The following IL1RAPL2 variants were observed in gnomAD, a reference collection of about 807,000 sequenced individuals.
The protein encoded by IL1RAPL2 is interleukin 1 receptor accessory protein like 2, also known as X-linked interleukin-1 receptor accessory protein-like 2.
Under a neutral mutation model 44.1 loss-of-function variants are expected in IL1RAPL2, and 3 were observed. That is an observed-to-expected ratio of 0.07 (90% CI 0.03 to 0.18). The LOEUF is 0.18. Ranked by LOEUF, IL1RAPL2 falls within the 10% of genes least tolerant of loss-of-function variation. The pLI is 1.00. For synonymous variants in IL1RAPL2, 181 were observed against 178.8 expected (o/e 1.01, Z -0.10); for missense variants, 391 against 496.4 (o/e 0.79, Z 2.02).
At position 105,708,343 on chromosome X, in the gene IL1RAPL2, A is replaced by G. The variant is rs182518765; in HGVS notation, c.773-9024A>G. On this transcript the variant is annotated intron_variant, in intron 6 of 10. Transcript: ENST00000372582. The stretch of plus-strand genomic sequence containing the variant: ...CCACAGCTGTGTTTTAAATCTCACT[A>G]TAATGTCCAGAAAACACATCAGTAT... 2.1e-3 allele frequency among the ~76,000 whole-genome samples: 240 copies of G among 111,866 alleles called. 3 individuals are homozygous for G. The highest frequency in any genetic ancestry group is 7.6e-3 in the African/African-American group (234 of 30,797).
chrX:105,175,164 T>C (rs1342620178), intron 2 of IL1RAPL2, among the ~76,000 whole-genome samples: 1 of 111,608 alleles, frequency 9.0e-6, no homozygotes, highest in Non-Finnish European at 1.9e-5. Context: ...TCATCATTAC[T>C]ATCATTATTA....
intron 2 of IL1RAPL2, among the ~76,000 whole-genome samples, chrX:105,103,237 G>T (rs771853303): frequency 9.0e-6 from 1 of 111,516 alleles, no homozygotes; most frequent in Non-Finnish European, 1.9e-5. Flanking sequence ...CACATTTGGT[G>T]TTAAGTGAGC....
chrX:105,252,816 G>GAGAT (rs1394594213), intron 4 of IL1RAPL2, among the ~76,000 whole-genome samples: 1 of 111,772 alleles, frequency 8.9e-6, no homozygotes, highest in African/African-American at 3.2e-5. Flanking sequence ...GAAGCCTTAT[G>GAGAT]AGATAGGCTA....
In IL1RAPL2 at chrX:104,889,443, C is replaced by A. The variant is rs185528926; in HGVS notation, c.82+230448C>A. 3.7e-3 allele frequency among the ~76,000 whole-genome samples: 409 copies of A among 111,843 alleles called. 2 individuals carry two copies. Among genetic ancestry groups the A allele is most frequent in the Non-Finnish European group, 5.5e-3 (294 of 53,147 alleles). Reference sequence around the variant, plus strand: ...AAATGAAAACAACAAACTCACACACCTTTTTAACATACACAAACAGTTCTG... The same window carrying A: ...AAATGAAAACAACAAACTCACACACATTTTTAACATACACAAACAGTTCTG... On this transcript the variant is annotated intron_variant, in intron 2 of 10. Coordinates refer to ENST00000372582, the MANE Select transcript of IL1RAPL2 (RefSeq NM_017416.2).
At chrX:104,677,678 G>A (rs952448513) in intron 2 of IL1RAPL2, among the ~76,000 whole-genome samples, 1 of 112,415 alleles carries the variant, frequency 8.9e-6, no homozygotes, top group Non-Finnish European at 1.9e-5. Context: ...AGGCAATGGC[G>A]GGCGCCCCTC....
intron 2 of IL1RAPL2, among the ~76,000 whole-genome samples, chrX:104,854,743 G>A (rs1445303234): frequency 9.0e-6 from 1 of 111,031 alleles, no homozygotes; most frequent in Non-Finnish European, 1.9e-5. Context: ...ATGAGAACAT[G>A]TGTAAAGCAA....
At chrX:105,674,585 A>C (rs2037852389) in intron 6 of IL1RAPL2, among the ~76,000 whole-genome samples, 2 of 111,728 alleles carry the variant, frequency 1.8e-5, no homozygotes, top group South Asian at 7.5e-4. Context: ...GTATAGTTTA[A>C]AGTCTGGTAG....
intron 2 of IL1RAPL2, among the ~76,000 whole-genome samples, chrX:104,692,597 C>T (rs755660587): frequency 9.2e-6 from 1 of 109,028 alleles, no homozygotes; most frequent in African/African-American, 3.3e-5. Context: ...TGAGAATATG[C>T]GGGTTTCTGT....
At chrX:105,235,235 C>T (rs2034110143) in intron 4 of IL1RAPL2, among the ~76,000 whole-genome samples, 1 of 111,493 alleles carries the variant, frequency 9.0e-6, no homozygotes, top group Non-Finnish European at 1.9e-5. Flanking sequence ...AGATAATAAC[C>T]ACACAACCTT....
chrX:104,892,856 G>C (rs770385145), intron 2 of IL1RAPL2, among the ~76,000 whole-genome samples: 1 of 111,502 alleles, frequency 9.0e-6, no homozygotes, highest in African/African-American at 3.3e-5. Flanking sequence ...GTTTGCTCTT[G>C]CTTCTCTAGT....
chrX:104,657,906 A>G (rs2148023072), intron 1 of IL1RAPL2, among the ~76,000 whole-genome samples: 1 of 112,354 alleles, frequency 8.9e-6, no homozygotes, highest in Non-Finnish European at 1.9e-5. Flanking sequence ...GCAAATCAAA[A>G]CCACAATGAG....
At chrX:105,493,806 G>C (rs1454403357) in intron 6 of IL1RAPL2, among the ~76,000 whole-genome samples, 1 of 111,480 alleles carries the variant, frequency 9.0e-6, no homozygotes, top group Non-Finnish European at 1.9e-5. Flanking sequence ...AAGTTAAAGG[G>C]GTGTCTAGTG....
intron 2 of IL1RAPL2, among the ~76,000 whole-genome samples, chrX:104,922,118 C>T (rs372159989): frequency 5.3e-5 from 6 of 112,209 alleles, no homozygotes; most frequent in African/African-American, 1.9e-4. Context: ...CAGTTTTGCC[C>T]CCTCCAGCCA....
At chrX:104,930,700 A>G (rs1924876279) in intron 2 of IL1RAPL2, among the ~76,000 whole-genome samples, 1 of 111,778 alleles carries the variant, frequency 8.9e-6, no homozygotes, top group African/African-American at 3.3e-5. Flanking sequence ...CTGTCTTCTT[A>G]TAATGATAGA....
At chrX:104,616,944 G>T (rs1929292149) in intron 1 of IL1RAPL2, among the ~76,000 whole-genome samples, 1 of 111,960 alleles carries the variant, frequency 8.9e-6, no homozygotes, top group Non-Finnish European at 1.9e-5. Flanking sequence ...TGAACCCATT[G>T]GGTGGATATA....
At chrX:105,444,647 T>G (rs1041544811) in intron 5 of IL1RAPL2, among the ~76,000 whole-genome samples, 1 of 111,306 alleles carries the variant, frequency 9.0e-6, no homozygotes, top group African/African-American at 3.3e-5. Context: ...TTATATGTAT[T>G]TATTTTTTAA....
chrX:104,983,588 A>T (rs936132355), intron 2 of IL1RAPL2, among the ~76,000 whole-genome samples: 20 of 72,985 alleles, frequency 2.7e-4, no homozygotes, highest in African/African-American at 9.0e-4. Flanking sequence ...CATAATATAT[A>T]ATATATTATA....
chrX:105,371,990 C>T (rs2035344549), intron 5 of IL1RAPL2, among the ~76,000 whole-genome samples: 1 of 111,534 alleles, frequency 9.0e-6, no homozygotes, highest in African/African-American at 3.3e-5. Flanking sequence ...CTTGAAGCTT[C>T]ACATAAATTC....
In IL1RAPL2 at chrX:104,713,766, CAT is replaced by C. The variant is rs1251215351; in HGVS notation, c.82+54775_82+54776del. 4.5e-5 allele frequency among the ~76,000 whole-genome samples: 5 copies of C among 110,601 alleles called. No individual in the cohort carries two copies. The East Asian group carries it at 1.4e-3, about 32-fold the overall frequency. Reference sequence around the variant, plus strand: ...GGTTGCTTTCCAGGGAACCCGTTTCCATATAGTGACTCAGGGGCTTAGACTGC... The same window carrying C: ...GGTTGCTTTCCAGGGAACCCGTTTCCATAGTGACTCAGGGGCTTAGACTGC... On this transcript the variant is annotated intron_variant, in intron 2 of 10. Transcript: ENST00000372582.
Sources: gnomAD v4.1 joint callset for allele counts (sites outside exome capture counted in the v4.1 genomes callset) on GRCh38, gnomAD v4.1.1 for gene constraint, MANE v1.5 for transcripts, NCBI Gene and HGNC (gene_info 2026-07-23, HGNC 2026-07-21) for gene names.